Variants in C7orf57 observed in about 807,000 individuals in gnomAD.
C7orf57 encodes chromosome 7 open reading frame 57.
C7orf57 carries 33 observed loss-of-function variants against 39.0 expected under a neutral mutation model. That is an observed-to-expected ratio of 0.85 (90% CI 0.64 to 1.13). The LOEUF is 1.13. Ranked by LOEUF, C7orf57 falls within the 50% of genes most tolerant of loss-of-function variation. The probability of loss-of-function intolerance (pLI) is 0.00; values close to 1 mark genes in which losing one functional copy is unlikely to be tolerated. For missense variants in C7orf57, 346 were observed against 362.3 expected (o/e 0.95, Z 0.37); for synonymous variants, 124 against 137.1 (o/e 0.90, Z 0.67).
intron 5 of C7orf57, among the ~76,000 whole-genome samples, chr7:48,047,369 G>A (rs1470879054): frequency 6.6e-6 from 1 of 152,232 alleles, no homozygotes; most frequent in Admixed American, 6.5e-5. Flanking sequence ...GTTTGATACT[G>A]AGAATAAGAG....
chr7:48,046,312 AGAG>A, intron 4 of C7orf57, 145 bp from the exon 5 acceptor site: 1 of 652,448 alleles, frequency 1.5e-6, no homozygotes, highest in African/African-American at 1.8e-5. Context: ...AGGGAGAGAG[AGAG>A]GAGAAAGGAA....
intron 2 of C7orf57, among the ~76,000 whole-genome samples, chr7:48,036,841 AATTCAG>A (rs1790383584): frequency 6.6e-6 from 1 of 152,122 alleles, no homozygotes. Context: ...CAGGAAAAGG[AATTCAG>A]TGAGGTTCAT....
In C7orf57 at chr7:48,052,731, T is replaced by G; in HGVS notation, c.637T>G (p.Phe213Val). 3 of 1,613,966 alleles carry G rather than the reference T, an allele frequency of 1.9e-6. No homozygotes were observed. The highest frequency in any genetic ancestry group is 2.5e-6 in the Non-Finnish European group (3 of 1,179,882). ...PGQKNSSPTN[F>V]SKLISNGYKD... ...TCAAAAAAACAGTTCACCTACCAAT[T>G]TTTCCAAACTCATTAGCAATGGTTA... Residue 213 changes from phenylalanine (F) to valine (V), a missense_variant, in exon 7 of 9, where the codon TTT becomes GTT. Coordinates refer to ENST00000348904, the MANE Select transcript of C7orf57 (RefSeq NM_001100159.3).
intron 3 of C7orf57, among the ~76,000 whole-genome samples, chr7:48,042,884 C>T (rs1415142204): frequency 6.6e-6 from 1 of 152,106 alleles, no homozygotes; most frequent in African/African-American, 2.4e-5. Flanking sequence ...CCGGAGCTGG[C>T]CTGGGCCTCT....
At position 48,060,874 on chromosome 7, in the gene C7orf57, A is replaced by G. The variant is rs1791270990; in HGVS notation, c.*602A>G. ...ATATTAAACATTTGTTATTTTGTAT[A>G]AACCTTTAAGTAAAAATATGCTGTT... On this transcript the variant is annotated 3_prime_UTR_variant, in exon 9 of 9. Coordinates refer to ENST00000348904, the MANE Select transcript of C7orf57 (RefSeq NM_001100159.3). The G allele has an allele frequency of 2.0e-5, 3 of 152,168 alleles. No homozygotes were observed. In the South Asian group the frequency reaches 6.2e-4, roughly 32 times the overall value. 9.4% of individuals were successfully genotyped at this position (152,168 alleles called of 1,614,324 possible).
chr7:48,036,675 A>T (rs184199104), intron 2 of C7orf57, among the ~76,000 whole-genome samples: 1 of 152,266 alleles, frequency 6.6e-6, no homozygotes, highest in African/African-American at 2.4e-5. Context: ...TCATAGTTCA[A>T]CCCTATACAA....
chr7:48,036,404 G>C (rs1232268601), intron 2 of C7orf57, 41 bp downstream of exon 2: 2 of 1,517,200 alleles, frequency 1.3e-6, no homozygotes, highest in Admixed American at 2.2e-5. Context: ...AAAGAGCTGG[G>C]TGCGTGCACT....
chr7:48,051,774 C>CTTTCT lies in C7orf57; in HGVS notation c.606-923_606-919dup, dbSNP rs1554299706. On this transcript the variant is annotated intron_variant, in intron 6 of 8. Coordinates refer to ENST00000348904, the MANE Select transcript of C7orf57 (RefSeq NM_001100159.3). ...CTTTTCTTTCTTTCTTTCTTTCTTT[C>CTTTCT]TTTCTTTCTTTCTTTCTTTCTTTCC... is the stretch of plus-strand genomic sequence containing the variant. Among the ~76,000 whole-genome samples, 6 of 51,898 alleles carry CTTTCT rather than the reference C, an allele frequency of 1.2e-4. No homozygotes were observed. The East Asian group carries it at 1.6e-3, about 13-fold the overall frequency. 34.0% of individuals were successfully genotyped at this position (51,898 alleles called of 152,430 possible).
rs1790327831 is a variant in C7orf57 at position 48,035,649 on chromosome 7, G to C, written c.-102+19G>C. The stretch of plus-strand genomic sequence containing the variant: ...GGAGCTGGTGAGCCTGAGCGGGCTG[G>C]AGGACAATGGGGGCGCCCACTGTGG... On this transcript the variant is annotated intron_variant, in intron 1 of 8. Transcript: ENST00000348904. The surrounding 1 kb of genome is among the most constrained non-coding windows in gnomAD (Gnocchi z 4.0). The C allele has an allele frequency of 1.5e-6, 1 of 661,714 alleles. No individual in the cohort carries two copies. The highest frequency in any genetic ancestry group is 2.7e-6 in the Non-Finnish European group (1 of 365,056). The allele number at this position is 661,714 out of a possible 1,614,324, so 41.0% of individuals were successfully genotyped here.
chr7:48,041,475 C>CA lies in C7orf57; in HGVS notation c.198dup (p.Asp67ArgfsTer64). On this transcript the variant is annotated frameshift_variant, in exon 3 of 9. Transcript: ENST00000348904. LOFTEE classifies it high-confidence loss of function. ...ACTCGGAGATACTGGATAAAAGAAA[C>CA]AGATTCGGAATATGTGAAGCTCGCG... The CA allele has an allele frequency of 6.2e-7, 1 of 1,613,416 alleles. No homozygotes were observed. Among genetic ancestry groups the CA allele is most frequent in the African/African-American group, 1.3e-5 (1 of 75,034 alleles).
intron 6 of C7orf57, among the ~76,000 whole-genome samples, chr7:48,052,358 G>C (rs890723899): frequency 1.3e-5 from 2 of 151,472 alleles, no homozygotes; most frequent in East Asian, 1.9e-4. Context: ...TCTTAGGAAG[G>C]CTTCCCTGTG....
At chr7:48,051,650 T>C (rs1790881697) in intron 6 of C7orf57, among the ~76,000 whole-genome samples, 1 of 144,012 alleles carries the variant, frequency 6.9e-6, no homozygotes, top group Admixed American at 6.9e-5. Context: ...CTCCCTCCCT[T>C]CCTCCCTTCC....
At chr7:48,047,276 C>G (rs1273231223) in intron 5 of C7orf57, among the ~76,000 whole-genome samples, 2 of 152,266 alleles carry the variant, frequency 1.3e-5, no homozygotes, top group East Asian at 3.9e-4. Flanking sequence ...GGCATCAGCA[C>G]CAGGTCTCAG....
rs1342846524 is a variant in C7orf57, at chr7:48,060,925, C to T, written c.*653C>T. On this transcript the variant is annotated 3_prime_UTR_variant, in exon 9 of 9. Coordinates refer to ENST00000348904, the MANE Select transcript of C7orf57 (RefSeq NM_001100159.3). Reference sequence around the variant, plus strand: ...TTAATATTTAATTTAGTAGAATTAACAAAAACTTTTTAATAGTCAAACTGA... The same window carrying T: ...TTAATATTTAATTTAGTAGAATTAATAAAAACTTTTTAATAGTCAAACTGA... 3 of 151,888 alleles carry T rather than the reference C, an allele frequency of 2.0e-5. No homozygotes were observed. The South Asian group carries it at 6.2e-4, about 32-fold the overall frequency. 9.4% of individuals were successfully genotyped at this position (151,888 alleles called of 1,614,324 possible). A position where few individuals can be genotyped will look rare whatever the true frequency, so the allele number is the denominator to read the frequency against.
chr7:48,060,199 TA>T, intron 8 of C7orf57, 26 bp from the exon 9 acceptor site: 1 of 1,451,722 alleles, frequency 6.9e-7, no homozygotes, highest in Non-Finnish European at 9.3e-7. Context: ...CATCTTTGTC[TA>T]CTCATTTATT....
chr7:48,037,159 G>A (rs914303531), intron 2 of C7orf57, among the ~76,000 whole-genome samples: 1 of 127,362 alleles, frequency 7.9e-6, no homozygotes, highest in Admixed American at 7.6e-5. Flanking sequence ...GTGTGGCCAT[G>A]CTGGGGATTG....
intron 8 of C7orf57, among the ~76,000 whole-genome samples, chr7:48,054,858 G>C (rs12531564): frequency 0.31 from 46,036 of 150,680 alleles, 7,656 homozygotes; most frequent in Middle Eastern, 0.54. Flanking sequence ...TGATGATGAT[G>C]ATGATGATGA....
intron 2 of C7orf57, among the ~76,000 whole-genome samples, chr7:48,036,933 T>G (rs1348548918): frequency 5.1e-5 from 3 of 59,404 alleles, no homozygotes; most frequent in African/African-American, 4.9e-5. Flanking sequence ...TCTTCTGGGT[T>G]TTTTTTTTTT....
intron 3 of C7orf57, among the ~76,000 whole-genome samples, chr7:48,041,885 T>C (rs1242486827): frequency 2.0e-5 from 3 of 152,222 alleles, no homozygotes; most frequent in Admixed American, 6.5e-5. Context: ...CTTGTCTAAT[T>C]GTGAAAAGGT....
Sources: gnomAD v4.1 joint callset for allele counts (sites outside exome capture counted in the v4.1 genomes callset) on GRCh38, gnomAD v4.1.1 for gene constraint, Gnocchi (gnomAD v3.1) non-coding constraint, MANE v1.5 for transcripts, NCBI Gene and HGNC (gene_info 2026-07-23, HGNC 2026-07-21) for gene names.